UNC79: variants seen among roughly 807,000 people sequenced by gnomAD.
UNC79 encodes unc-79 subunit of NALCN channel complex.
A neutral mutation model predicts 283.1 loss-of-function variants in UNC79; 37 were observed. The ratio of observed to expected loss-of-function variants is 0.13; its 90% CI spans 0.10 to 0.17. The LOEUF (loss-of-function observed/expected upper bound fraction) is 0.17, where lower values mean the gene tolerates loss of function less well. Ranked by LOEUF, UNC79 falls within the 10% of genes least tolerant of loss-of-function variation. The probability of loss-of-function intolerance (pLI) is 1.00; values close to 1 mark genes in which losing one functional copy is unlikely to be tolerated. For synonymous variants in UNC79, 1,107 were observed against 1,200.2 expected (o/e 0.92, Z 1.61); for missense variants, 2,272 against 3,211.1 (o/e 0.71, Z 7.07).
chr14:93,465,148 AT>A (rs2057120148), intron 1 of UNC79, among the ~76,000 whole-genome samples: 1 of 151,946 alleles, frequency 6.6e-6, no homozygotes, highest in African/African-American at 2.4e-5. Context: ...CTTATCAACA[AT>A]TTATTGAGTA....
chr14:93,628,120 A>G (rs2067710060), intron 30 of UNC79, among the ~76,000 whole-genome samples: 1 of 152,212 alleles, frequency 6.6e-6, no homozygotes, highest in South Asian at 2.1e-4. Flanking sequence ...AGGAGATTAC[A>G]CCATTCCCCT....
chr14:93,559,780 G>A lies in UNC79; in HGVS notation c.1756-12114G>A, dbSNP rs144298652. Among the ~76,000 whole-genome samples, 663 of 152,268 alleles carry A rather than the reference G, an allele frequency of 4.4e-3. 7 individuals carry two copies. The highest frequency in any genetic ancestry group is 0.015 in the African/African-American group (629 of 41,538). On this transcript the variant is annotated intron_variant, in intron 14 of 48. Coordinates refer to ENST00000555664, the Ensembl canonical transcript of UNC79. Reference sequence around the variant, plus strand: ...TTCTTCACTTTCTTCGGGCCATCTGGACATATCTGTGCAGGTCACAGGGGA... The same window carrying A: ...TTCTTCACTTTCTTCGGGCCATCTGAACATATCTGTGCAGGTCACAGGGGA...
intron 4 of UNC79, among the ~76,000 whole-genome samples, chr14:93,486,678 AG>A (rs1483270582): frequency 3.3e-5 from 5 of 151,276 alleles, no homozygotes; most frequent in Non-Finnish European, 5.9e-5. Flanking sequence ...AAAAAAAAAA[AG>A]AAAGAAAGTC....
exon 27 of UNC79, chr14:93,612,939 C>G: frequency 6.2e-7 from 1 of 1,614,134 alleles, no homozygotes. Context: ...AGTCAGACAT[C>G]AGCAGTGCAA....
At chr14:93,612,363 G>T (rs1256159886) in intron 26 of UNC79, among the ~76,000 whole-genome samples, 2 of 152,164 alleles carry the variant, frequency 1.3e-5, no homozygotes, top group South Asian at 2.1e-4. Context: ...CAGTGGTTTT[G>T]CCCTCAGTGG....
At chr14:93,381,009 T>A (rs2139988392) in intron 1 of UNC79, among the ~76,000 whole-genome samples, 1 of 152,348 alleles carries the variant, frequency 6.6e-6, no homozygotes, top group Middle Eastern at 3.4e-3. Flanking sequence ...AAAACGGATG[T>A]GTCCCATATG....
chr14:93,445,147 T>C (rs1296143017), intron 1 of UNC79, among the ~76,000 whole-genome samples: 2 of 152,214 alleles, frequency 1.3e-5, no homozygotes, highest in Non-Finnish European at 2.9e-5. Flanking sequence ...TGGTCTTATA[T>C]CCTGTACCCC....
chr14:93,542,683 T>A, exon 14 of UNC79: 1 of 1,614,202 alleles, frequency 6.2e-7, no homozygotes, highest in Non-Finnish European at 8.5e-7. Flanking sequence ...CCTAAACCCA[T>A]GGAATTTGCC....
chr14:93,702,715 T>C (rs1198762985), intron 47 of UNC79, among the ~76,000 whole-genome samples: 2 of 152,212 alleles, frequency 1.3e-5, no homozygotes, highest in African/African-American at 2.4e-5. Flanking sequence ...GTCCCCCAGT[T>C]TGCCCAGGTT....
intron 40 of UNC79, among the ~76,000 whole-genome samples, chr14:93,665,630 A>G (rs1336293263): frequency 6.6e-6 from 1 of 151,972 alleles, no homozygotes; most frequent in African/African-American, 2.4e-5. Flanking sequence ...GACAAAGAAA[A>G]TATTTTCAGA....
intron 38 of UNC79, among the ~76,000 whole-genome samples, chr14:93,656,399 G>A (rs1194366187): frequency 1.3e-5 from 2 of 151,972 alleles, no homozygotes; most frequent in Non-Finnish European, 2.9e-5. Context: ...GAACCCAGGA[G>A]TTTGAGAGCA....
intron 14 of UNC79, among the ~76,000 whole-genome samples, chr14:93,543,906 G>C (rs1055182632): frequency 1.3e-5 from 2 of 152,104 alleles, no homozygotes; most frequent in African/African-American, 2.4e-5. Context: ...AACTTTTATT[G>C]GATTTTCAGG....
chr14:93,513,551 C>T (rs1476394660), intron 7 of UNC79, among the ~76,000 whole-genome samples: 1 of 151,870 alleles, frequency 6.6e-6, no homozygotes, highest in East Asian at 1.9e-4. Flanking sequence ...ATAAAGTATC[C>T]CATACATTTT....
chr14:93,605,498 GAT>G (rs984882511), intron 26 of UNC79, among the ~76,000 whole-genome samples: 2 of 152,132 alleles, frequency 1.3e-5, no homozygotes, highest in Non-Finnish European at 2.9e-5. Context: ...GATGTTCTGT[GAT>G]ATATTACAAT....
chr14:93,379,904 T>C (rs1440130467), intron 1 of UNC79, among the ~76,000 whole-genome samples: 1 of 152,188 alleles, frequency 6.6e-6, no homozygotes, highest in East Asian at 1.9e-4. Flanking sequence ...GACTTCCCAT[T>C]GGATTCAGGG....
In UNC79 at chr14:93,618,471, T is replaced by C. The variant is rs920066279; in HGVS notation, c.4387+117T>C. 2.0e-5 allele frequency: 22 copies of C among 1,117,390 alleles called. No individual in the cohort carries two copies. In the Admixed American group the frequency reaches 7.1e-4, roughly 36 times the overall value. The allele number at this position is 1,117,390 out of a possible 1,614,324, so 69.2% of individuals were successfully genotyped here. ...TATCATTCTGGAGTAAAAAAAAAAA[T>C]CACTTTCTTAATTTTCCAACTTTCC... is the stretch of plus-strand genomic sequence containing the variant. On this transcript the variant is annotated intron_variant, in intron 29 of 48. Transcript: ENST00000555664.
At chr14:93,434,609 T>G (rs2056012445) in intron 1 of UNC79, among the ~76,000 whole-genome samples, 1 of 152,214 alleles carries the variant, frequency 6.6e-6, no homozygotes, top group South Asian at 2.1e-4. Flanking sequence ...CAGCAGACAT[T>G]CAGAGTTGGG....
At chr14:93,667,206 G>A (rs375559480) in intron 40 of UNC79, among the ~76,000 whole-genome samples, 2 of 149,044 alleles carry the variant, frequency 1.3e-5, no homozygotes, top group African/African-American at 5.1e-5. Context: ...AGGAAGGAAG[G>A]ACAAAGGAAG....
intron 10 of UNC79, among the ~76,000 whole-genome samples, chr14:93,530,069 C>T (rs1227089572): frequency 1.3e-5 from 2 of 152,094 alleles, no homozygotes; most frequent in Admixed American, 6.5e-5. Context: ...AGGAAGAACT[C>T]GATGGTATAT....
Sources: allele counts gnomAD v4.1 joint callset (sites outside exome capture counted in the v4.1 genomes callset), GRCh38; gene constraint gnomAD v4.1.1; transcripts MANE v1.5; gene names NCBI Gene and HGNC (gene_info 2026-07-23, HGNC 2026-07-21).